AOPEP: variants seen among roughly 807,000 people sequenced by gnomAD.
The protein encoded by AOPEP is aminopeptidase O (putative), also known as aminopeptidase O.
A neutral mutation model predicts 98.1 loss-of-function variants in AOPEP; 77 were observed. The ratio of observed to expected loss-of-function variants is 0.78; its 90% confidence interval spans 0.65 to 0.95. The LOEUF (loss-of-function observed/expected upper bound fraction) is 0.95. Ranked by LOEUF, AOPEP falls within the 40% of genes least tolerant of loss-of-function variation. The probability of loss-of-function intolerance (pLI) is 0.00; values close to 1 mark genes in which losing one functional copy is unlikely to be tolerated. For synonymous variants in AOPEP, 346 were observed against 365.3 expected, an observed-to-expected ratio of 0.95 and a Z score of 0.60; for missense variants, 1,024 against 1,024.7, an observed-to-expected ratio of 1.00 and a Z score of 0.01.
intron 7 of AOPEP, among the ~76,000 whole-genome samples, chr9:94,944,387 A>G (rs1268604120): frequency 6.6e-6 from 1 of 152,212 alleles, no homozygotes. Flanking sequence ...CATACAGTGG[A>G]ATATTAATCA....
At position 94,729,326 on chromosome 9, in the gene AOPEP, T is replaced by A. The variant is rs1829976454; in HGVS notation, c.-136+2575T>A. Among the ~76,000 whole-genome samples the A allele has an allele frequency of 2.0e-5, 3 of 152,156 alleles. No individual in the cohort carries two copies. In the South Asian group the frequency reaches 6.2e-4, roughly 32 times the overall value. On this transcript the variant is annotated intron_variant, in intron 1 of 16. Transcript: ENST00000375315. ...ACTGTGGCTCACTCATCCCAGCACC[T>A]TGGGAGCCCAAGGCAGGAGGATCCC... is the stretch of plus-strand genomic sequence containing the variant.
chr9:94,925,268 C>T (rs1169234869), intron 6 of AOPEP, among the ~76,000 whole-genome samples: 1 of 152,212 alleles, frequency 6.6e-6, no homozygotes, highest in African/African-American at 2.4e-5. Flanking sequence ...GGATTACAGG[C>T]GTGAGCCACC....
the AOPEP span, among the ~76,000 whole-genome samples, chr9:95,095,513 ATAC>A: frequency 6.6e-6 from 1 of 152,160 alleles, no homozygotes; most frequent in African/African-American, 2.4e-5. Flanking sequence ...TGTGCTGCAA[ATAC>A]TTCTTCTTCC....
intron 3 of AOPEP, among the ~76,000 whole-genome samples, chr9:94,777,804 A>G (rs901472137): frequency 6.6e-6 from 1 of 151,686 alleles, no homozygotes; most frequent in African/African-American, 2.4e-5. Flanking sequence ...TTGTATTCTT[A>G]GTAGAGACAG....
intron 13 of AOPEP, among the ~76,000 whole-genome samples, chr9:95,007,890 A>G (rs2062158143): frequency 6.6e-6 from 1 of 152,218 alleles, no homozygotes; most frequent in Non-Finnish European, 1.5e-5. Flanking sequence ...ACCTTTTGCT[A>G]GGATTTGAAC....
intron 5 of AOPEP, among the ~76,000 whole-genome samples, chr9:94,863,304 G>A (rs1404228109): frequency 5.7e-5 from 8 of 139,560 alleles, no homozygotes; most frequent in African/African-American, 8.5e-5. Flanking sequence ...TTTTTGAGAC[G>A]GAGTCTCGCT....
At chr9:94,862,213 C>T (rs986628181) in intron 5 of AOPEP, among the ~76,000 whole-genome samples, 4 of 152,122 alleles carry the variant, frequency 2.6e-5, no homozygotes, top group Admixed American at 6.6e-5. Flanking sequence ...GTAAAAAGGA[C>T]GTTTCTTTCA....
intron 13 of AOPEP, among the ~76,000 whole-genome samples, chr9:95,055,786 C>T (rs111288484): frequency 1.4e-4 from 21 of 152,278 alleles, no homozygotes; most frequent in African/African-American, 5.1e-4. Flanking sequence ...TGCCCCTGCC[C>T]GAAGGCCGCC....
At chr9:94,919,675 T>C (rs114293114) in intron 5 of AOPEP, among the ~76,000 whole-genome samples, 2,359 of 152,138 alleles carry the variant, frequency 0.016, 62 homozygotes, top group African/African-American at 0.054. Flanking sequence ...CTAAGAGGGG[T>C]GGAGCGACAG....
intron 10 of AOPEP, among the ~76,000 whole-genome samples, chr9:94,978,585 A>G (rs952642043): frequency 6.6e-6 from 1 of 152,214 alleles, no homozygotes; most frequent in African/African-American, 2.4e-5. Flanking sequence ...GGAGGAGGTC[A>G]AGAAAGGCCT....
At chr9:94,791,335 G>C (rs1165499576) in intron 3 of AOPEP, among the ~76,000 whole-genome samples, 1 of 151,950 alleles carries the variant, frequency 6.6e-6, no homozygotes, top group Non-Finnish European at 1.5e-5. Context: ...ACCAGGGCCT[G>C]CTTGAGGGTG....
At chr9:95,060,447 A>G (rs2067228878) in intron 13 of AOPEP, among the ~76,000 whole-genome samples, 1 of 152,230 alleles carries the variant, frequency 6.6e-6, no homozygotes, top group African/African-American at 2.4e-5. Flanking sequence ...TGCTCTAAGT[A>G]TAGAACTGAA....
At chr9:95,080,866 C>G (rs1564615365) in intron 15 of AOPEP, 86 bp downstream of exon 15, 1 of 911,306 alleles carries the variant, frequency 1.1e-6, no homozygotes, top group Non-Finnish European at 1.8e-6. Flanking sequence ...GTATCTCTTT[C>G]ATAACAAATA....
At chr9:95,101,868 G>A in the AOPEP span, 4 of 1,613,560 alleles carry the variant, frequency 2.5e-6, no homozygotes, top group Admixed American at 1.7e-5. Context: ...CAGGACAGAA[G>A]AGAAGGCAAA....
chr9:95,014,721 A>G (rs958470473), intron 13 of AOPEP, among the ~76,000 whole-genome samples: 4 of 152,188 alleles, frequency 2.6e-5, no homozygotes, highest in African/African-American at 9.7e-5. Context: ...ATTTCCATTT[A>G]TCTTCTCACA....
At chr9:95,025,378 C>G (rs950203060) in intron 13 of AOPEP, among the ~76,000 whole-genome samples, 2 of 152,232 alleles carry the variant, frequency 1.3e-5, no homozygotes, top group African/African-American at 4.8e-5. Context: ...TGGCCCATTG[C>G]TACTTCCTTG....
At chr9:94,979,489 C>A in intron 11 of AOPEP, 62 bp downstream of exon 11, 2 of 1,001,982 alleles carry the variant, frequency 2.0e-6, no homozygotes, top group Non-Finnish European at 3.1e-6. Context: ...CTGCTTAGCA[C>A]ATCAATCATG....
intron 13 of AOPEP, among the ~76,000 whole-genome samples, chr9:95,006,947 G>C (rs2062073807): frequency 6.7e-6 from 1 of 148,498 alleles, no homozygotes; most frequent in South Asian, 2.1e-4. Flanking sequence ...TGTCACCCAG[G>C]CTGGAGTGCA....
chr9:95,114,393 T>C, the AOPEP span: 1 of 577,988 alleles, frequency 1.7e-6, no homozygotes, highest in Middle Eastern at 4.8e-4. Context: ...GTAGAAAACA[T>C]TTCGATACAG....
Sources: gnomAD v4.1 joint callset for allele counts (sites outside exome capture counted in the v4.1 genomes callset) on GRCh38, gnomAD v4.1.1 for gene constraint, MANE v1.5 for transcripts, NCBI Gene and HGNC (gene_info 2026-07-23, HGNC 2026-07-21) for gene names.